Variants in CPA6 observed in about 807,000 individuals in gnomAD.
CPA6 encodes the protein carboxypeptidase A6, also known as carboxypeptidase B.
CPA6 carries 58 observed loss-of-function variants against 63.3 expected under a neutral mutation model. The ratio of observed to expected loss-of-function variants is 0.92; its 90% CI spans 0.74 to 1.14. The LOEUF (loss-of-function observed/expected upper bound fraction) is 1.14. CPA6 is among the 50% of genes most tolerant of loss of function. The pLI is 0.00. For synonymous variants in CPA6, 185 were observed against 179.0 expected (o/e 1.03, Z -0.27); for missense variants, 565 against 526.6 (o/e 1.07, Z -0.71).
rs183899632 is a variant in CPA6 at position 67,746,023 on chromosome 8, C to T, written c.107G>A (p.Arg36His). The T allele has an allele frequency of 2.9e-5, 46 of 1,612,352 alleles. No homozygotes were observed. Among genetic ancestry groups the T allele is most frequent in the East Asian group, 2.0e-4 (9 of 44,860 alleles). ...QPGHSHLYNNRYAGDKVIRFI... is the reference protein window; with the variant it reads ...QPGHSHLYNNHYAGDKVIRFI... ...ATGTCGCTCCACTTACCCAGCATAG[C>T]GGTTGTTATAAAGGTGGCTGTGCCC... The change falls in exon 1 of 11, where the codon CGC becomes CAC. Residue 36 changes from arginine to histidine, a missense_variant. Transcript: ENST00000297770.
At chr8:67,673,102 A>G (rs1816384306) in intron 1 of CPA6, among the ~76,000 whole-genome samples, 1 of 152,142 alleles carries the variant, frequency 6.6e-6, no homozygotes, top group South Asian at 2.1e-4. Context: ...GGAAAAGAAC[A>G]AAGGAGACAA....
chr8:67,475,461 A>C (rs987733160), intron 8 of CPA6, among the ~76,000 whole-genome samples: 1 of 152,270 alleles, frequency 6.6e-6, no homozygotes, highest in African/African-American at 2.4e-5. Flanking sequence ...TACACGGCAC[A>C]GTTCTCAAAA....
chr8:67,594,986 CT>C (rs1206273050), intron 2 of CPA6, among the ~76,000 whole-genome samples: 5 of 152,168 alleles, frequency 3.3e-5, no homozygotes, highest in Admixed American at 2.6e-4. Context: ...TTTTTCTGCT[CT>C]GTTTTTTCCC....
intron 1 of CPA6, among the ~76,000 whole-genome samples, chr8:67,668,584 AC>A (rs1414598628): frequency 6.6e-6 from 1 of 152,168 alleles, no homozygotes; most frequent in Non-Finnish European, 1.5e-5. Flanking sequence ...CACATACCCC[AC>A]AAAAAATGTG....
intron 10 of CPA6, among the ~76,000 whole-genome samples, chr8:67,424,954 G>A (rs1432350254): frequency 1.3e-5 from 2 of 152,206 alleles, no homozygotes; most frequent in Non-Finnish European, 2.9e-5. Context: ...GAGGTAGCCT[G>A]CAGCCTGGGC....
intron 8 of CPA6, among the ~76,000 whole-genome samples, chr8:67,470,692 TG>T (rs1811038583): frequency 6.6e-6 from 1 of 152,220 alleles, no homozygotes; most frequent in Non-Finnish European, 1.5e-5. Flanking sequence ...CTGTATTTGC[TG>T]CAAATACTTT....
At chr8:67,729,324 A>G (rs1031801298) in intron 1 of CPA6, among the ~76,000 whole-genome samples, 2 of 152,382 alleles carry the variant, frequency 1.3e-5, no homozygotes, top group South Asian at 2.1e-4. Context: ...ATAGCATGAA[A>G]AAAAGCCCTA....
At chr8:67,685,104 C>T (rs1207693094) in intron 1 of CPA6, among the ~76,000 whole-genome samples, 1 of 152,168 alleles carries the variant, frequency 6.6e-6, no homozygotes, top group Non-Finnish European at 1.5e-5. Flanking sequence ...TTCTTACCAT[C>T]CTACAACAAG....
At position 67,520,051 on chromosome 8, in the gene CPA6, A is replaced by G. The variant is rs577202069; in HGVS notation, c.193-2004T>C. On this transcript the variant is annotated intron_variant, in intron 2 of 10. Transcript: ENST00000297770. ...TATATATTAGATTTTCGAATCCTTT[A>G]GAAGATCAAATCTTTGGGACTTGCC... Among the ~76,000 whole-genome samples, 3 of 152,240 alleles carry G rather than the reference A, an allele frequency of 2.0e-5. No individual in the cohort carries two copies. In the South Asian group the frequency reaches 6.2e-4, roughly 32 times the overall value.
intron 1 of CPA6, among the ~76,000 whole-genome samples, chr8:67,737,988 C>T (rs753464641): frequency 8.5e-5 from 13 of 152,084 alleles, no homozygotes; most frequent in African/African-American, 1.7e-4. Flanking sequence ...CTTCCGGTCC[C>T]GACATTCTAT....
intron 2 of CPA6, among the ~76,000 whole-genome samples, chr8:67,580,984 C>T (rs191458161): frequency 4.6e-5 from 7 of 151,936 alleles, no homozygotes; most frequent in East Asian, 1.9e-4. Context: ...GGGCCCAGAG[C>T]GAGGGGAGTA....
chr8:67,564,571 A>G (rs1032861790), intron 2 of CPA6, among the ~76,000 whole-genome samples: 1 of 152,122 alleles, frequency 6.6e-6, no homozygotes, highest in African/African-American at 2.4e-5. Context: ...AGCAGTACAG[A>G]GCTGAATCAA....
intron 6 of CPA6, among the ~76,000 whole-genome samples, chr8:67,488,890 C>G (rs564622952): frequency 6.6e-6 from 1 of 152,118 alleles, no homozygotes; most frequent in African/African-American, 2.4e-5. Flanking sequence ...GTGATTTTTT[C>G]ACATTGATTT....
At chr8:67,743,888 C>T (rs1161082375) in intron 1 of CPA6, among the ~76,000 whole-genome samples, 1 of 151,958 alleles carries the variant, frequency 6.6e-6, no homozygotes, top group Non-Finnish European at 1.5e-5. Flanking sequence ...TAGGGCTGCC[C>T]CTTCATTAGT....
chr8:67,691,563 G>A (rs932049102), intron 1 of CPA6, among the ~76,000 whole-genome samples: 1 of 152,154 alleles, frequency 6.6e-6, no homozygotes, highest in African/African-American at 2.4e-5. Flanking sequence ...GTTTGTGGGA[G>A]CAGAGCACGC....
intron 2 of CPA6, among the ~76,000 whole-genome samples, chr8:67,527,398 C>T (rs1326191199): frequency 6.6e-6 from 1 of 152,146 alleles, no homozygotes; most frequent in Non-Finnish European, 1.5e-5. Flanking sequence ...ACATAAAGCT[C>T]ATCTTTGGTT....
intron 8 of CPA6, among the ~76,000 whole-genome samples, chr8:67,450,035 C>G (rs1444494817): frequency 6.6e-6 from 1 of 151,838 alleles, no homozygotes; most frequent in Non-Finnish European, 1.5e-5. Context: ...AGGCTGGTCT[C>G]GAACTCCTGA....
Position 67,615,299 on chromosome 8 carries a change from G to T in CPA6, c.192+8877C>A, listed in dbSNP as rs1024628157. ...GTCTAAGAAATGGCACCAAAGTATG[G>T]TTTATACACTTGATAGAAAACCTCT... On this transcript the variant is annotated intron_variant, in intron 2 of 10. Coordinates refer to ENST00000297770, the MANE Select transcript of CPA6 (RefSeq NM_020361.5). Among the ~76,000 whole-genome samples, 5 of 152,298 alleles carry T rather than the reference G, an allele frequency of 3.3e-5. No homozygotes were observed. In the South Asian group the frequency reaches 8.3e-4, roughly 25 times the overall value.
intron 1 of CPA6, among the ~76,000 whole-genome samples, chr8:67,737,557 C>T (rs1461821987): frequency 1.3e-5 from 2 of 152,088 alleles, no homozygotes; most frequent in Admixed American, 6.6e-5. Context: ...TATCTGATAT[C>T]AAGAGTTTTC....
Sources: gnomAD v4.1 joint callset for allele counts (sites outside exome capture counted in the v4.1 genomes callset) on GRCh38, gnomAD v4.1.1 for gene constraint, MANE v1.5 for transcripts, NCBI Gene and HGNC (gene_info 2026-07-23, HGNC 2026-07-21) for gene names.